The following TMEM45B variants were observed in gnomAD, a reference collection of about 807,000 sequenced individuals.
TMEM45B encodes the protein transmembrane protein 45B.
A neutral mutation model predicts 27.3 loss-of-function variants in TMEM45B; 29 were observed. That is an observed-to-expected ratio of 1.06 (90% CI 0.79 to 1.45). The LOEUF (loss-of-function observed/expected upper bound fraction) is 1.45, where lower values mean the gene tolerates loss of function less well. Ranked by LOEUF, TMEM45B falls within the 40% of genes most tolerant of loss-of-function variation. The pLI is 0.00. For synonymous variants in TMEM45B, 143 were observed against 134.7 expected (o/e 1.06, Z -0.43); for missense variants, 348 against 343.9 (o/e 1.01, Z -0.09).
intron 1 of TMEM45B, among the ~76,000 whole-genome samples, chr11:129,835,533 T>C (rs759561171): frequency 1.3e-4 from 20 of 152,242 alleles, no homozygotes; most frequent in Non-Finnish European, 2.5e-4. Flanking sequence ...GACCAGCCAG[T>C]ACAGCGATAT....
chr11:129,828,870 A>G (rs1346342729), intron 1 of TMEM45B, among the ~76,000 whole-genome samples: 4 of 152,230 alleles, frequency 2.6e-5, no homozygotes, highest in Non-Finnish European at 5.9e-5. Context: ...CTGCCCATTT[A>G]GGGTCAGCTA....
Position 129,852,402 on chromosome 11 carries a change from G to T in TMEM45B, c.-8-73G>T. On this transcript the variant is annotated intron_variant, in intron 1 of 5. Transcript: ENST00000281441. ...TGATTTGCAATCTCAGGCACGTATT[G>T]TGTTTCCTGCCAAAATATACATTTG... 8 of 1,364,036 alleles carry T rather than the reference G, an allele frequency of 5.9e-6. No homozygotes were observed. The South Asian group carries it at 9.4e-5, about 16-fold the overall frequency. 84.5% of individuals were successfully genotyped at this position (1,364,036 alleles called of 1,614,324 possible).
At chr11:129,846,032 GT>G (rs1947756325) in intron 1 of TMEM45B, among the ~76,000 whole-genome samples, 2 of 152,164 alleles carry the variant, frequency 1.3e-5, no homozygotes. Context: ...ACAGAAATAA[GT>G]TATCTGAGGT....
rs570279234 is a variant in TMEM45B at position 129,847,824 on chromosome 11, T to C, written c.-8-4651T>C. ...CAGCAACCATCCGATTTCTCAATCT[T>C]TTCCCCACCTTTCCCCCTTTTCTAT... On this transcript the variant is annotated intron_variant, in intron 1 of 5. Transcript: ENST00000281441. 7.1e-4 allele frequency among the ~76,000 whole-genome samples: 108 copies of C among 152,188 alleles called. 1 individual carries two copies. Among genetic ancestry groups the C allele is most frequent in the Middle Eastern group, 3.4e-3 (1 of 292 alleles).
chr11:129,848,031 G>A (rs1278826703), intron 1 of TMEM45B, among the ~76,000 whole-genome samples: 3 of 151,086 alleles, frequency 2.0e-5, no homozygotes, highest in African/African-American at 7.3e-5. Context: ...TCACTTTCCA[G>A]ACTGGGCAGC....
At chr11:129,841,515 G>A (rs1234397415) in intron 1 of TMEM45B, among the ~76,000 whole-genome samples, 24 of 146,758 alleles carry the variant, frequency 1.6e-4, no homozygotes, top group Non-Finnish European at 2.1e-4. Context: ...TTGAAAACTG[G>A]CCTTCTCCAA....
At chr11:129,857,526 C>T in intron 5 of TMEM45B, 68 bp downstream of exon 5, 2 of 1,581,456 alleles carry the variant, frequency 1.3e-6, no homozygotes, top group Non-Finnish European at 1.7e-6. Flanking sequence ...TTAACTTGCA[C>T]CATCTGATGA....
chr11:129,858,291 G>A (rs1947958581), intron 5 of TMEM45B, among the ~76,000 whole-genome samples: 1 of 152,180 alleles, frequency 6.6e-6, no homozygotes, highest in Non-Finnish European at 1.5e-5. Context: ...CCAAAGAGAA[G>A]GGAGCTCAAG....
At chr11:129,827,610 C>G (rs1163831861) in intron 1 of TMEM45B, among the ~76,000 whole-genome samples, 1 of 152,098 alleles carries the variant, frequency 6.6e-6, no homozygotes, top group Non-Finnish European at 1.5e-5. Flanking sequence ...TTGAGACCAG[C>G]CTGACCAACA....
In TMEM45B at chr11:129,854,748, C is replaced by T; in HGVS notation, c.317C>T (p.Thr106Ile). Reference sequence around the variant, plus strand: ...GTCTCAGGAATTGTTGACATGCTCACCTATCTGGTCAGCCACGTTCCCTTG... The same window carrying T: ...GTCTCAGGAATTGTTGACATGCTCATCTATCTGGTCAGCCACGTTCCCTTG... Reference protein sequence around the residue: ...FAVSGIVDMLTYLVSHVPLGV... With the variant: ...FAVSGIVDMLIYLVSHVPLGV... The change falls in exon 3 of 6, where the codon ACC (threonine) becomes ATC (isoleucine). Residue 106 changes from threonine (T) to isoleucine (I), a missense_variant. Physicochemically the swap from Thr to Ile is moderately conservative, Grantham distance 89 (BLOSUM62 -1). Coordinates refer to ENST00000281441, the MANE Select transcript of TMEM45B (RefSeq NM_138788.5). 6.2e-7 allele frequency: 1 copy of T among 1,614,226 alleles called. No homozygotes were observed. Among genetic ancestry groups the T allele is most frequent in the Non-Finnish European group, 8.5e-7 (1 of 1,180,038 alleles).
At chr11:129,831,550 G>T (rs1947546759) in intron 1 of TMEM45B, among the ~76,000 whole-genome samples, 1 of 152,160 alleles carries the variant, frequency 6.6e-6, no homozygotes, top group Non-Finnish European at 1.5e-5. Flanking sequence ...TCGATGTAAT[G>T]GTTTTGGACC....
At chr11:129,854,523 T>C (rs1015579306) in intron 2 of TMEM45B, 87 bp from the exon 3 acceptor site, 1 of 1,397,850 alleles carries the variant, frequency 7.2e-7, no homozygotes, top group Non-Finnish European at 9.9e-7. Flanking sequence ...CCATCTCCGC[T>C]TCGCTCATGC....
At chr11:129,857,244 C>A in intron 4 of TMEM45B, 69 bp from the exon 5 acceptor site, 2 of 1,585,236 alleles carry the variant, frequency 1.3e-6, no homozygotes, top group Non-Finnish European at 1.7e-6. Context: ...TCGGTGGCCA[C>A]AGGAGAACGG....
At chr11:129,849,995 C>A (rs377615796) in intron 1 of TMEM45B, among the ~76,000 whole-genome samples, 1 of 152,260 alleles carries the variant, frequency 6.6e-6, no homozygotes. Context: ...CACATACTAA[C>A]CTGCTTATCA....
In TMEM45B at chr11:129,858,598, CG is replaced by C; in HGVS notation, c.743del (p.Gly248GlufsTer11). 2.5e-6 allele frequency: 4 copies of C among 1,587,836 alleles called. No individual in the cohort carries two copies. Among genetic ancestry groups the C allele is most frequent in the Non-Finnish European group, 3.4e-6 (4 of 1,166,126 alleles). ...GCCTTTTGACTCGGATGAAGAGACA[CG>C]GAAGGGGAGAAATCATTGGAATTCA... is the stretch of plus-strand genomic sequence containing the variant. ...YCLLTRMKRH[G>X]RGEIIGIQKL... On this transcript the variant is annotated frameshift_variant, in exon 6 of 6. Transcript: ENST00000281441. LOFTEE classifies it high-confidence loss of function.
At chr11:129,830,014 C>T (rs1206782754) in intron 1 of TMEM45B, among the ~76,000 whole-genome samples, 2 of 152,230 alleles carry the variant, frequency 1.3e-5, no homozygotes, top group African/African-American at 4.8e-5. Context: ...CCCTACCTCA[C>T]ACCATATACA....
chr11:129,819,010 T>A (rs988591982), intron 1 of TMEM45B, among the ~76,000 whole-genome samples: 3 of 152,208 alleles, frequency 2.0e-5, no homozygotes, highest in Non-Finnish European at 4.4e-5. Context: ...CTCTTTTGGT[T>A]TGAGGTCTGT....
At chr11:129,826,417 C>T (rs12291287) in intron 1 of TMEM45B, among the ~76,000 whole-genome samples, 27,538 of 150,834 alleles carry the variant, frequency 0.18, 3,089 homozygotes, top group Non-Finnish European at 0.24. Flanking sequence ...GGCGTGGTGG[C>T]GGGTGCCTGT....
chr11:129,819,030 C>A (rs556427966), intron 1 of TMEM45B, among the ~76,000 whole-genome samples: 54 of 152,300 alleles, frequency 3.5e-4, no homozygotes, highest in African/African-American at 1.2e-3. Flanking sequence ...TGACAGCAAA[C>A]ATAACCTCCT....
Sources: gnomAD v4.1 joint callset for allele counts (sites outside exome capture counted in the v4.1 genomes callset) on GRCh38, gnomAD v4.1.1 for gene constraint, MANE v1.5 for transcripts, NCBI Gene and HGNC (gene_info 2026-07-23, HGNC 2026-07-21) for gene names.